CCSER1: variants seen among roughly 807,000 people sequenced by gnomAD.
CCSER1 encodes serine-rich coiled-coil domain-containing protein 1.
In CCSER1, 41 loss-of-function variants were observed where a neutral mutation model predicts 82.0. The ratio of observed to expected loss-of-function variants is 0.50; its 90% CI spans 0.39 to 0.65. The LOEUF (loss-of-function observed/expected upper bound fraction) is 0.65. Among genes scored for constraint, CCSER1 ranks in the 30% least tolerant of loss-of-function variants. The pLI, the probability that CCSER1 is intolerant of heterozygous loss-of-function variation, is 0.00. For synonymous variants in CCSER1, 414 were observed against 383.9 expected, an observed-to-expected ratio of 1.08 and a Z score of -0.92; for missense variants, 1,119 against 1,064.2, an observed-to-expected ratio of 1.05 and a Z score of -0.72.
chr4:91,197,562 G>A (rs1223278493), intron 10 of CCSER1, among the ~76,000 whole-genome samples: 1 of 152,050 alleles, frequency 6.6e-6, no homozygotes, highest in Non-Finnish European at 1.5e-5. Context: ...AAAAATTTTT[G>A]TTAACTACAA....
At chr4:90,673,989 C>A (rs1311881968) in intron 6 of CCSER1, among the ~76,000 whole-genome samples, 1 of 151,892 alleles carries the variant, frequency 6.6e-6, no homozygotes, top group East Asian at 1.9e-4. Flanking sequence ...GTCCTACCTT[C>A]CCACAGAAGC....
chr4:91,400,191 T>G (rs1425794014), intron 10 of CCSER1, among the ~76,000 whole-genome samples: 1 of 151,972 alleles, frequency 6.6e-6, no homozygotes, highest in African/African-American at 2.4e-5. Context: ...CATATAGAAC[T>G]TACTTTCTTG....
chr4:91,395,871 C>T (rs897497953), intron 10 of CCSER1, among the ~76,000 whole-genome samples: 1 of 152,072 alleles, frequency 6.6e-6, no homozygotes. Flanking sequence ...CACAACTCGC[C>T]TTACTCCAAC....
intron 10 of CCSER1, among the ~76,000 whole-genome samples, chr4:91,103,600 A>C (rs891928761): frequency 9.2e-5 from 14 of 152,156 alleles, no homozygotes; most frequent in African/African-American, 3.1e-4. Context: ...TGATAATTTC[A>C]TGGACGTTTA....
chr4:90,495,528 T>G (rs971743507), intron 5 of CCSER1, among the ~76,000 whole-genome samples: 7 of 152,106 alleles, frequency 4.6e-5, no homozygotes, highest in African/African-American at 1.7e-4. Flanking sequence ...GGCAAATATA[T>G]AAATAACTTC....
chr4:90,551,704 C>CTATATATATATATATATATA (rs1242206717), intron 5 of CCSER1, among the ~76,000 whole-genome samples: 2 of 107,538 alleles, frequency 1.9e-5, no homozygotes, highest in African/African-American at 9.1e-5. Flanking sequence ...CTCTCTCTCT[C>CTATATATATATATATATATA]TCTATATATA....
intron 5 of CCSER1, among the ~76,000 whole-genome samples, chr4:90,515,480 C>T (rs1772143324): frequency 6.6e-6 from 1 of 152,072 alleles, no homozygotes; most frequent in African/African-American, 2.4e-5. Context: ...TTTAGTGGTG[C>T]CCTAGTGATA....
chr4:90,191,179 C>T (rs1735542957), intron 1 of CCSER1, among the ~76,000 whole-genome samples: 1 of 151,972 alleles, frequency 6.6e-6, no homozygotes, highest in Non-Finnish European at 1.5e-5. Context: ...ACCTTCCCAA[C>T]ACAGGACTCC....
intron 1 of CCSER1, among the ~76,000 whole-genome samples, chr4:90,218,102 T>G (rs1185853463): frequency 6.6e-6 from 1 of 152,188 alleles, no homozygotes; most frequent in Non-Finnish European, 1.5e-5. Flanking sequence ...TACCCATCCC[T>G]TAATGTCTAG....
chr4:90,408,994 A>G (rs566836932), intron 4 of CCSER1, among the ~76,000 whole-genome samples: 4 of 152,340 alleles, frequency 2.6e-5, no homozygotes, highest in African/African-American at 7.2e-5. Context: ...CACAAGCCTC[A>G]GTAACTGATG....
At chr4:90,692,848 A>G (rs962298293) in intron 6 of CCSER1, among the ~76,000 whole-genome samples, 8 of 151,930 alleles carry the variant, frequency 5.3e-5, no homozygotes, top group African/African-American at 1.9e-4. Flanking sequence ...GATGTATTTT[A>G]TTTTGCTCAT....
chr4:90,473,673 A>T (rs1259607353), intron 5 of CCSER1, among the ~76,000 whole-genome samples: 1 of 152,144 alleles, frequency 6.6e-6, no homozygotes, highest in African/African-American at 2.4e-5. Context: ...ATTTATCTGA[A>T]TGAATAGTAT....
intron 5 of CCSER1, among the ~76,000 whole-genome samples, chr4:90,572,641 T>A (rs531739053): frequency 6.6e-6 from 1 of 152,216 alleles, no homozygotes; most frequent in African/African-American, 2.4e-5. Flanking sequence ...TGCATTTTTT[T>A]CATTTATTGT....
chr4:90,749,800 T>C (rs1173741970), intron 7 of CCSER1, among the ~76,000 whole-genome samples: 1 of 151,922 alleles, frequency 6.6e-6, no homozygotes, highest in African/African-American at 2.4e-5. Context: ...CCTTTGGGTA[T>C]ATACCCAGTA....
At chr4:90,799,316 C>G (rs2123958) in intron 7 of CCSER1, among the ~76,000 whole-genome samples, 18,716 of 152,150 alleles carry the variant, frequency 0.12, 1,474 homozygotes, top group Non-Finnish European at 0.17. Flanking sequence ...TGCCAAGGCT[C>G]TGTCTGCTCT....
At chr4:91,373,889 A>C (rs1278723770) in intron 10 of CCSER1, among the ~76,000 whole-genome samples, 1 of 152,228 alleles carries the variant, frequency 6.6e-6, no homozygotes, top group East Asian at 1.9e-4. Flanking sequence ...TAAGAAAGTG[A>C]AACAGCCTTA....
chr4:90,541,660 C>T (rs776309835), intron 5 of CCSER1, among the ~76,000 whole-genome samples: 12 of 151,978 alleles, frequency 7.9e-5, no homozygotes, highest in Non-Finnish European at 1.6e-4. Context: ...TTCTCTCTCA[C>T]TCTCTCTCAA....
At chr4:91,374,239 T>A (rs1750241523) in intron 10 of CCSER1, among the ~76,000 whole-genome samples, 1 of 152,142 alleles carries the variant, frequency 6.6e-6, no homozygotes, top group African/African-American at 2.4e-5. Flanking sequence ...TTCAGGTTTG[T>A]ATTGGAAGAA....
intron 6 of CCSER1, among the ~76,000 whole-genome samples, chr4:90,656,858 G>A (rs1472949089): frequency 6.6e-6 from 1 of 151,766 alleles, no homozygotes; most frequent in Non-Finnish European, 1.5e-5. Flanking sequence ...CTTTGACCTG[G>A]AGAAAGCCTA....
Sources: allele counts gnomAD v4.1 joint callset (sites outside exome capture counted in the v4.1 genomes callset), GRCh38; gene constraint gnomAD v4.1.1; transcripts MANE v1.5; gene names NCBI Gene and HGNC (gene_info 2026-07-23, HGNC 2026-07-21).